PRDM6: variants seen among roughly 807,000 people sequenced by gnomAD.
PRDM6 encodes putative histone-lysine N-methyltransferase PRDM6.
A neutral mutation model predicts 60.8 loss-of-function variants in PRDM6; 25 were observed. The observed-to-expected ratio is 0.41, with a 90% CI of 0.30 to 0.57. The LOEUF is 0.57. PRDM6 is among the 20% of genes least tolerant of loss of function. The probability of loss-of-function intolerance (pLI) is 0.27; values close to 1 mark genes in which losing one functional copy is unlikely to be tolerated. For synonymous variants in PRDM6, 407 were observed against 357.4 expected, an observed-to-expected ratio of 1.14 and a Z score of -1.57; for missense variants, 839 against 821.3, an observed-to-expected ratio of 1.02 and a Z score of -0.26.
chr5:123,189,190 C>G lies in PRDM6; in HGVS notation c.*1989C>G, dbSNP rs979820745. 3.9e-5 allele frequency: 6 copies of G among 152,176 alleles called. No homozygotes were observed. The highest frequency in any genetic ancestry group is 6.5e-5 in the Admixed American group (1 of 15,276). The allele number at this position is 152,176 out of a possible 1,614,324, so 9.4% of individuals were successfully genotyped here. A position where few individuals can be genotyped will look rare whatever the true frequency, so the allele number is the denominator to read the frequency against. ...ATACGTTTGCAAACAATGTGCGTCA[C>G]TGGGAAGTGTGAATGAAATGTAGCC... is the stretch of plus-strand genomic sequence containing the variant. On this transcript the variant is annotated 3_prime_UTR_variant, in exon 8 of 8. Coordinates refer to ENST00000407847, the MANE Select transcript of PRDM6 (RefSeq NM_001136239.4).
At chr5:123,097,022 T>A (rs1312211276) in intron 2 of PRDM6, among the ~76,000 whole-genome samples, 1 of 152,060 alleles carries the variant, frequency 6.6e-6, no homozygotes, top group Non-Finnish European at 1.5e-5. Context: ...TTTGCATCAT[T>A]GAGTCAAGCA....
At chr5:123,138,931 A>G (rs1765033989) in intron 3 of PRDM6, among the ~76,000 whole-genome samples, 1 of 152,044 alleles carries the variant, frequency 6.6e-6, no homozygotes, top group Non-Finnish European at 1.5e-5. Flanking sequence ...TGTAATCCTC[A>G]CGTGTCGAGG....
At chr5:123,095,801 A>G (rs1281020531) in intron 2 of PRDM6, among the ~76,000 whole-genome samples, 1 of 152,224 alleles carries the variant, frequency 6.6e-6, no homozygotes, top group Non-Finnish European at 1.5e-5. Context: ...CCACGCGCCT[A>G]CACATGACTG....
At chr5:123,143,969 C>A (rs1009547258) in intron 3 of PRDM6, among the ~76,000 whole-genome samples, 4 of 152,100 alleles carry the variant, frequency 2.6e-5, no homozygotes, top group African/African-American at 4.8e-5. Flanking sequence ...CAAAGAAGGC[C>A]TCCTTCTTTC....
rs1451451631 is a variant in PRDM6 at position 123,090,229 on chromosome 5, G to C, written c.215G>C (p.Arg72Pro). Residue 72 changes from arginine to proline, a missense_variant, in exon 2 of 8, where the codon CGG becomes CCG. Arg to Pro is a moderately radical substitution (Grantham distance 103, BLOSUM62 -2). This residue lies in a region of PRDM6 where 730 missense variants were observed against 648.8 expected (regional missense o/e 1.13). Transcript: ENST00000407847. ...AEPPPDSLRPRPASLSSASST... is the reference protein window; with the variant it reads ...AEPPPDSLRPPPASLSSASST... ...CCTCCGCCGGACAGCCTGCGCCCGCGGCCCGCCTCTCTCTCCTCCGCCTCG... is the reference window on the plus strand; with the variant it reads ...CCTCCGCCGGACAGCCTGCGCCCGCCGCCCGCCTCTCTCTCCTCCGCCTCG... 16 of 1,473,790 alleles carry C rather than the reference G, an allele frequency of 1.1e-5. No individual in the cohort carries two copies. Among genetic ancestry groups the C allele is most frequent in the Non-Finnish European group, 1.4e-5 (16 of 1,113,428 alleles). The allele number at this position is 1,473,790 out of a possible 1,614,324, so 91.3% of individuals were successfully genotyped here.
intron 5 of PRDM6, among the ~76,000 whole-genome samples, chr5:123,162,090 A>C (rs187468912): frequency 1.6e-4 from 25 of 152,332 alleles, no homozygotes; most frequent in African/African-American, 5.8e-4. Context: ...CTTTGGCCTG[A>C]GGAGCTGGAA....
rs1164680243 is a variant in PRDM6, at chr5:123,188,512, G to C, written c.*1311G>C. On this transcript the variant is annotated 3_prime_UTR_variant, in exon 8 of 8. Transcript: ENST00000407847. ...ACATTTAATGAAATGATCTAGTTTT[G>C]GGAAGAGCTGATAGCTCCCAGCAGC... The C allele has an allele frequency of 6.6e-6, 1 of 152,110 alleles. No individual in the cohort carries two copies. Among genetic ancestry groups the C allele is most frequent in the Admixed American group, 6.5e-5 (1 of 15,276 alleles). 9.4% of individuals were successfully genotyped at this position (152,110 alleles called of 1,614,324 possible). A position where few individuals can be genotyped will look rare whatever the true frequency, so the allele number is the denominator to read the frequency against.
Position 123,099,578 on chromosome 5 carries a change from G to A in PRDM6, c.593-76G>A. On this transcript the variant is annotated intron_variant, in intron 2 of 7. Coordinates refer to ENST00000407847, the MANE Select transcript of PRDM6 (RefSeq NM_001136239.4). The surrounding 1 kb of genome is among the most constrained non-coding windows in gnomAD (Gnocchi z 4.0). ...GGGCGGTGATGCTGTTGTCTCGGGA[G>A]TTTACTCAAAGATGGGCCGCTCGGG... The A allele has an allele frequency of 7.5e-7, 1 of 1,338,302 alleles. No homozygotes were observed. The highest frequency in any genetic ancestry group is 9.8e-7 in the Non-Finnish European group (1 of 1,017,034). 82.9% of individuals were successfully genotyped at this position (1,338,302 alleles called of 1,614,324 possible).
intron 7 of PRDM6, among the ~76,000 whole-genome samples, chr5:123,184,455 C>T (rs1465115820): frequency 2.6e-5 from 4 of 152,188 alleles, no homozygotes; most frequent in African/African-American, 7.2e-5. Flanking sequence ...GCATCAGCAC[C>T]TATGCTAAGG....
intron 6 of PRDM6, among the ~76,000 whole-genome samples, chr5:123,173,149 C>T (rs545238147): frequency 2.0e-5 from 3 of 151,270 alleles, no homozygotes; most frequent in Non-Finnish European, 4.4e-5. Flanking sequence ...CGAGATCGCA[C>T]CACTGCACTC....
At chr5:123,165,706 G>C (rs1218531926) in intron 5 of PRDM6, among the ~76,000 whole-genome samples, 1 of 152,118 alleles carries the variant, frequency 6.6e-6, no homozygotes, top group African/African-American at 2.4e-5. Flanking sequence ...GATAATTTTT[G>C]CCTATTCAAG....
rs150901288 is a variant in PRDM6, at chr5:123,091,876, G to C, written c.592+1270G>C. Among the ~76,000 whole-genome samples the C allele has an allele frequency of 2.3e-4, 35 of 152,056 alleles. No homozygotes were observed. In the East Asian group the frequency reaches 6.0e-3, roughly 26 times the overall value. On this transcript the variant is annotated intron_variant, in intron 2 of 7. Coordinates refer to ENST00000407847, the MANE Select transcript of PRDM6 (RefSeq NM_001136239.4). ...TACCGCTCTGTGAACTTCTTAATTC[G>C]TTGTAAAAGCAAAATAAGTTCAGTT...
At chr5:123,151,178 A>C (rs1765361136) in intron 3 of PRDM6, among the ~76,000 whole-genome samples, 1 of 152,128 alleles carries the variant, frequency 6.6e-6, no homozygotes, top group African/African-American at 2.4e-5. Flanking sequence ...GCACTTCAAC[A>C]CACAACCAAA....
chr5:123,107,858 G>C (rs1764229343), intron 3 of PRDM6, among the ~76,000 whole-genome samples: 1 of 152,206 alleles, frequency 6.6e-6, no homozygotes, highest in Admixed American at 6.5e-5. Context: ...TGTTGCCTAA[G>C]TCAGAAGTTC....
chr5:123,182,714 TG>T (rs1766191467), intron 7 of PRDM6, among the ~76,000 whole-genome samples: 1 of 152,142 alleles, frequency 6.6e-6, no homozygotes, highest in African/African-American at 2.4e-5. Flanking sequence ...TACTTTCATC[TG>T]GAAAAAAAAG....
chr5:123,100,013 C>G, intron 3 of PRDM6, 52 bp downstream of exon 3: 1 of 1,439,214 alleles, frequency 6.9e-7, no homozygotes, highest in Non-Finnish European at 9.2e-7. Flanking sequence ...CCTTGGCCAG[C>G]AGGGAGCCTT....
intron 3 of PRDM6, among the ~76,000 whole-genome samples, chr5:123,138,569 A>G (rs1263103452): frequency 6.6e-6 from 1 of 152,240 alleles, no homozygotes; most frequent in Non-Finnish European, 1.5e-5. Context: ...GATTTGGGAA[A>G]GTTGAATGTT....
At chr5:123,156,218 G>A (rs917332243) in intron 4 of PRDM6, among the ~76,000 whole-genome samples, 6 of 152,062 alleles carry the variant, frequency 3.9e-5, no homozygotes, top group African/African-American at 1.2e-4. Flanking sequence ...AAAAGTGCTC[G>A]TAGATGGCCT....
intron 3 of PRDM6, 53 bp downstream of exon 3, chr5:123,100,014 A>G (rs981840075): frequency 4.9e-6 from 7 of 1,440,452 alleles, no homozygotes; most frequent in Middle Eastern, 3.8e-4. Flanking sequence ...CTTGGCCAGC[A>G]GGGAGCCTTG....
Sources: gnomAD v4.1 joint callset for allele counts (sites outside exome capture counted in the v4.1 genomes callset) on GRCh38, gnomAD v4.1.1 for gene constraint, gnomAD v4.1.1 regional missense constraint, Gnocchi (gnomAD v3.1) non-coding constraint, MANE v1.5 for transcripts, NCBI Gene and HGNC (gene_info 2026-07-23, HGNC 2026-07-21) for gene names.